Variants in SCRN3 observed in about 807,000 individuals in gnomAD.
SCRN3 encodes the protein secernin 3.
SCRN3 carries 39 observed loss-of-function variants against 43.1 expected under a neutral mutation model. The ratio of observed to expected loss-of-function variants is 0.91; its 90% confidence interval spans 0.70 to 1.18. The LOEUF (loss-of-function observed/expected upper bound fraction) is 1.18. Ranked by LOEUF, SCRN3 falls within the 50% of genes most tolerant of loss-of-function variation. The pLI is 0.00. For synonymous variants in SCRN3, 147 were observed against 163.1 expected (o/e 0.90, Z 0.75); for missense variants, 484 against 498.0 (o/e 0.97, Z 0.27).
chr2:174,425,263 A>AT (rs1437612843), intron 7 of SCRN3, among the ~76,000 whole-genome samples: 1 of 152,150 alleles, frequency 6.6e-6, no homozygotes, highest in Non-Finnish European at 1.5e-5. Flanking sequence ...ATAAGGATTT[A>AT]TTTTTTTCTG....
At position 174,399,981 on chromosome 2, in the gene SCRN3, A is replaced by T; in HGVS notation, c.219A>T (p.Pro73=). The change falls in exon 3 of 8, where the codon CCA becomes CCT. Residue 73 remains proline (P), a synonymous_variant. Coordinates refer to ENST00000272732, the MANE Select transcript of SCRN3 (RefSeq NM_024583.5). Reference sequence around the variant, plus strand: ...CATATGCTGTTGTCCTGAGTCGCCCAGCGTGGTTGTGGGGGGCAGAAATGG... The same window carrying T: ...CATATGCTGTTGTCCTGAGTCGCCCTGCGTGGTTGTGGGGGGCAGAAATGG... The part of the protein sequence containing the change: ...PETYAVVLSR[P]AWLWGAEMGA... 6.3e-7 allele frequency: 1 copy of T among 1,587,060 alleles called. No homozygotes were observed. The highest frequency in any genetic ancestry group is 8.5e-7 in the Non-Finnish European group (1 of 1,170,008).
chr2:174,423,848 T>C (rs13025758), intron 6 of SCRN3, among the ~76,000 whole-genome samples: 48,356 of 144,668 alleles, frequency 0.33, 8,920 homozygotes, highest in Non-Finnish European at 0.44. Context: ...TGGAGTGCAG[T>C]GGCACAGTCA....
At chr2:174,421,143 A>C (rs9679675) in intron 5 of SCRN3, among the ~76,000 whole-genome samples, 81,626 of 152,034 alleles carry the variant, frequency 0.54, 23,370 homozygotes, top group African/African-American at 0.71. Flanking sequence ...AAGGGAGGGG[A>C]TTCTAAAGAT....
intron 5 of SCRN3, among the ~76,000 whole-genome samples, chr2:174,413,882 C>T (rs1464643640): frequency 1.3e-5 from 2 of 151,054 alleles, no homozygotes; most frequent in Non-Finnish European, 3.0e-5. Flanking sequence ...TGAGCCACCG[C>T]ACCCAGCCTG....
intron 5 of SCRN3, among the ~76,000 whole-genome samples, chr2:174,414,812 G>A (rs1686048360): frequency 7.3e-6 from 1 of 137,148 alleles, no homozygotes; most frequent in South Asian, 2.2e-4. Context: ...CCCCCAGGCT[G>A]GAATGCAGTG....
intron 4 of SCRN3, among the ~76,000 whole-genome samples, chr2:174,402,066 G>A (rs1685525747): frequency 6.6e-6 from 1 of 152,162 alleles, no homozygotes; most frequent in African/African-American, 2.4e-5. Context: ...TTTCAAAACA[G>A]GTCATTACCA....
chr2:174,411,092 G>C (rs1296948258), intron 5 of SCRN3, among the ~76,000 whole-genome samples: 1 of 152,130 alleles, frequency 6.6e-6, no homozygotes, highest in Non-Finnish European at 1.5e-5. Context: ...GTTTAGGATG[G>C]AACTGAGCTG....
At chr2:174,400,541 C>G (rs1449204686) in intron 3 of SCRN3, among the ~76,000 whole-genome samples, 2 of 152,210 alleles carry the variant, frequency 1.3e-5, no homozygotes, top group African/African-American at 4.8e-5. Context: ...TCTAGCCATT[C>G]TCCTGCCTCA....
In SCRN3 at chr2:174,398,036, G is replaced by A. The variant is rs184513801; in HGVS notation, c.-9-239G>A. Among the ~76,000 whole-genome samples the A allele has an allele frequency of 1.5e-3, 223 of 152,188 alleles. 4 individuals are homozygous for A. The highest frequency in any genetic ancestry group is 5.0e-3 in the African/African-American group (209 of 41,512). ...CCAGGGCTTTGGGAGGCAGAAGGGG[G>A]AGGATCTCCTGAGCCCAGGAGTTCC... is the stretch of plus-strand genomic sequence containing the variant. On this transcript the variant is annotated intron_variant, in intron 1 of 7. Coordinates refer to ENST00000272732, the MANE Select transcript of SCRN3 (RefSeq NM_024583.5).
In SCRN3 at chr2:174,424,608, C is replaced by CA; in HGVS notation, c.1056dup (p.His353ThrfsTer10). The CA allele has an allele frequency of 6.2e-7, 1 of 1,612,696 alleles. No individual in the cohort carries two copies. Among genetic ancestry groups the CA allele is most frequent in the African/African-American group, 1.3e-5 (1 of 74,970 alleles). On this transcript the variant is annotated frameshift_variant, in exon 7 of 8. Coordinates refer to ENST00000272732, the MANE Select transcript of SCRN3 (RefSeq NM_024583.5). LOFTEE classifies it high-confidence loss of function. ...GCCTGACAGAAGACACCCACTCTAC[C>CA]AAAAACATCAACAGGCATTGGAAGT...
Position 174,398,417 on chromosome 2 carries a change from A to C in SCRN3, c.134A>C (p.His45Pro), listed in dbSNP as rs776683238. 8 of 1,599,856 alleles carry C rather than the reference A, an allele frequency of 5.0e-6. No individual in the cohort carries two copies. The African/African-American group carries it at 8.1e-5, about 16-fold the overall frequency. The change falls in exon 2 of 8, where the codon CAT becomes CCT. Residue 45 changes from histidine (H) to proline (P), a missense_variant. Transcript: ENST00000272732. ...QEVVYFPAVV[H>P]DNLGERLKCT... ...GTGGTTTATTTTCCTGCTGTAGTTCATGATAACCTGGGAGAACGTCTTAAG... is the reference window on the plus strand; with the variant it reads ...GTGGTTTATTTTCCTGCTGTAGTTCCTGATAACCTGGGAGAACGTCTTAAG...
Position 174,418,125 on chromosome 2 carries a change from A to G in SCRN3, c.755-4760A>G, listed in dbSNP as rs576748888. ...AATAATTATAAGCCAATTAGCTACTACATCATAATAATAATTCAGTTATAT... is the reference window on the plus strand; with the variant it reads ...AATAATTATAAGCCAATTAGCTACTGCATCATAATAATAATTCAGTTATAT... On this transcript the variant is annotated intron_variant, in intron 5 of 7. Transcript: ENST00000272732. 5.7e-4 allele frequency among the ~76,000 whole-genome samples: 87 copies of G among 152,368 alleles called. 1 individual carries two copies. Among genetic ancestry groups the G allele is most frequent in the Non-Finnish European group, 9.1e-4 (62 of 68,034 alleles).
chr2:174,424,715 C>A, intron 7 of SCRN3, 66 bp downstream of exon 7: 1 of 1,303,402 alleles, frequency 7.7e-7, no homozygotes, highest in Non-Finnish European at 1.1e-6. Context: ...GTATTTTGAA[C>A]TTTGGAGTAT....
chr2:174,412,037 C>G (rs1685937654), intron 5 of SCRN3, among the ~76,000 whole-genome samples: 1 of 152,112 alleles, frequency 6.6e-6, no homozygotes, highest in Admixed American at 6.5e-5. Flanking sequence ...CTGTCTCTCT[C>G]TCTCTGAATA....
rs942304906 is a variant in SCRN3, at chr2:174,399,993, G to A, written c.231G>A (p.Trp77Ter). 3 of 1,597,430 alleles carry A rather than the reference G, an allele frequency of 1.9e-6. No individual in the cohort carries two copies. The highest frequency in any genetic ancestry group is 2.6e-6 in the Non-Finnish European group (3 of 1,173,740). The change falls in exon 3 of 8, where the codon TGG (tryptophan) becomes TGA (stop). Residue 77 changes from tryptophan (W) to a stop codon, truncating the protein, a stop_gained. Coordinates refer to ENST00000272732, the MANE Select transcript of SCRN3 (RefSeq NM_024583.5). LOFTEE classifies it high-confidence loss of function. ...TCCTGAGTCGCCCAGCGTGGTTGTG[G>A]GGGGCAGAAATGGGAGCCAATGAGC... ...AVVLSRPAWLWGAEMGANEHG... is the reference protein window; with the variant it reads ...AVVLSRPAWL
At chr2:174,396,691 G>C (rs548172933) in intron 1 of SCRN3, among the ~76,000 whole-genome samples, 9 of 151,918 alleles carry the variant, frequency 5.9e-5, no homozygotes, top group African/African-American at 2.2e-4. Flanking sequence ...CCAGCTACTC[G>C]GGAGGTTGAG....
rs1336407120 is a variant in SCRN3, at chr2:174,395,805, G to A, written c.-22G>A. 5.2e-6 allele frequency: 8 copies of A among 1,543,990 alleles called. No homozygotes were observed. The highest frequency in any genetic ancestry group is 7.0e-6 in the Non-Finnish European group (8 of 1,143,078). ...CTCCGTCCACCTGTCACTTCGGGTA[G>A]CTGGGAGGCCAGGTGAGGGGCGCGC... On this transcript the variant is annotated 5_prime_UTR_variant, in exon 1 of 8. Transcript: ENST00000272732.
At chr2:174,418,448 T>C (rs1012622843) in intron 5 of SCRN3, among the ~76,000 whole-genome samples, 4 of 152,228 alleles carry the variant, frequency 2.6e-5, no homozygotes, top group Non-Finnish European at 5.9e-5. Flanking sequence ...TATTCACTCA[T>C]ATATTTTAAA....
rs1685357499 is a variant in SCRN3 at position 174,397,308 on chromosome 2, C to G, written c.-9-967C>G. The G allele has an allele frequency of 1.2e-5, 12 of 985,160 alleles. No homozygotes were observed. The South Asian group carries it at 4.7e-4, about 39-fold the overall frequency. 61.0% of individuals were successfully genotyped at this position (985,160 alleles called of 1,614,324 possible). On this transcript the variant is annotated intron_variant, in intron 1 of 7. Transcript: ENST00000272732. ...CATTATTAAAGGAAAGAAGGAAACTCTGTAAAACAATGTGTCTGTTCTGGC... is the reference window on the plus strand; with the variant it reads ...CATTATTAAAGGAAAGAAGGAAACTGTGTAAAACAATGTGTCTGTTCTGGC...
Sources: gnomAD v4.1 joint callset for allele counts (sites outside exome capture counted in the v4.1 genomes callset) on GRCh38, gnomAD v4.1.1 for gene constraint, MANE v1.5 for transcripts, NCBI Gene and HGNC (gene_info 2026-07-23, HGNC 2026-07-21) for gene names.